FHIT: variants seen among roughly 807,000 people sequenced by gnomAD.
FHIT encodes bis(5'-adenosyl)-triphosphatase.
Under a neutral mutation model 17.9 loss-of-function variants are expected in FHIT, and 19 were observed. That is an observed-to-expected ratio of 1.06 (90% confidence interval 0.74 to 1.56). The LOEUF is 1.56. FHIT is among the 40% of genes most tolerant of loss of function. The pLI is 0.00. For synonymous variants in FHIT, 81 were observed against 69.7 expected, an observed-to-expected ratio of 1.16 and a Z score of -0.81; for missense variants, 248 against 189.2, an observed-to-expected ratio of 1.31 and a Z score of -1.82.
At chr3:59,904,873 T>C (rs1279693498) in intron 8 of FHIT, among the ~76,000 whole-genome samples, 1 of 152,214 alleles carries the variant, frequency 6.6e-6, no homozygotes, top group Non-Finnish European at 1.5e-5. Flanking sequence ...GCTGATTTGT[T>C]TGTGAGTCTG....
chr3:59,983,886 A>T (rs1465402542), intron 7 of FHIT, among the ~76,000 whole-genome samples: 10 of 152,122 alleles, frequency 6.6e-5, no homozygotes, highest in Admixed American at 6.6e-4. Context: ...ACTATAATTA[A>T]TCCAGTCATG....
intron 4 of FHIT, among the ~76,000 whole-genome samples, chr3:60,668,961 C>T (rs1273939558): frequency 6.6e-6 from 1 of 152,176 alleles, no homozygotes; most frequent in Non-Finnish European, 1.5e-5. Flanking sequence ...AATGGGTCTA[C>T]ATCATCTTTT....
At chr3:60,888,204 G>A (rs1022397368) in intron 3 of FHIT, among the ~76,000 whole-genome samples, 1 of 152,142 alleles carries the variant, frequency 6.6e-6, no homozygotes, top group Admixed American at 6.6e-5. Context: ...GGACATTTGG[G>A]TTGCACATTA....
chr3:60,564,564 A>G (rs769740228), intron 4 of FHIT, among the ~76,000 whole-genome samples: 3 of 152,196 alleles, frequency 2.0e-5, no homozygotes, highest in Non-Finnish European at 4.4e-5. Context: ...AATGCATGGG[A>G]GGTCAACATG....
chr3:60,971,115 C>A (rs1575775384), intron 3 of FHIT, among the ~76,000 whole-genome samples: 1 of 152,074 alleles, frequency 6.6e-6, no homozygotes, highest in Non-Finnish European at 1.5e-5. Context: ...CACCTGTAAT[C>A]CCAGCACTTT....
chr3:59,881,320 T>A (rs910300447), intron 8 of FHIT, among the ~76,000 whole-genome samples: 41 of 152,222 alleles, frequency 2.7e-4, no homozygotes, highest in Non-Finnish European at 2.2e-4. Flanking sequence ...GGATCTTTTT[T>A]AAACATATTT....
chr3:59,916,147 C>T (rs1265459923), intron 8 of FHIT, among the ~76,000 whole-genome samples: 2 of 152,042 alleles, frequency 1.3e-5, no homozygotes, highest in Admixed American at 6.5e-5. Flanking sequence ...TCTAATCAGC[C>T]GTCAGCATGG....
chr3:60,985,735 C>A (rs1481481593), intron 3 of FHIT, among the ~76,000 whole-genome samples: 1 of 152,210 alleles, frequency 6.6e-6, no homozygotes, highest in Non-Finnish European at 1.5e-5. Flanking sequence ...AATAAATTCC[C>A]AGGTGCGTTA....
chr3:60,813,057 C>G (rs1553736567), intron 4 of FHIT, among the ~76,000 whole-genome samples: 1 of 152,006 alleles, frequency 6.6e-6, no homozygotes, highest in East Asian at 1.9e-4. Context: ...GGTGGGACCA[C>G]TGAGAGATGA....
In FHIT at chr3:59,813,969, G is replaced by A. The variant is rs1366794574; in HGVS notation, c.349-61648C>T. 3.9e-5 allele frequency among the ~76,000 whole-genome samples: 6 copies of A among 151,936 alleles called. No homozygotes were observed. In the East Asian group the frequency reaches 9.7e-4, roughly 25 times the overall value. ...CTGGTGTGCTCACAAATGACCTGAT[G>A]TCATAGTTGTCTGTCACTGACAATT... On this transcript the variant is annotated intron_variant, in intron 8 of 9. Transcript: ENST00000492590.
At chr3:59,903,728 A>G (rs1488779795) in intron 8 of FHIT, among the ~76,000 whole-genome samples, 1 of 152,234 alleles carries the variant, frequency 6.6e-6, no homozygotes, top group Non-Finnish European at 1.5e-5. Context: ...CACCAAAGGC[A>G]GCAATCTGAA....
At chr3:59,883,808 A>C (rs1321013619) in intron 8 of FHIT, among the ~76,000 whole-genome samples, 2 of 152,240 alleles carry the variant, frequency 1.3e-5, no homozygotes, top group Non-Finnish European at 2.9e-5. Flanking sequence ...GATTTAAGAA[A>C]GTGATGGGGG....
intron 8 of FHIT, among the ~76,000 whole-genome samples, chr3:59,777,057 C>T (rs139685420): frequency 1.4e-4 from 22 of 152,294 alleles, no homozygotes; most frequent in Admixed American, 3.9e-4. Context: ...TCTTCAAGAA[C>T]TCCAAGCACG....
chr3:61,183,312 C>T (rs1243480190), intron 2 of FHIT, among the ~76,000 whole-genome samples: 3 of 107,944 alleles, frequency 2.8e-5, no homozygotes, highest in Non-Finnish European at 3.7e-5. Flanking sequence ...AATGAATCAA[C>T]CACAAGTGAA....
In FHIT at chr3:60,267,733, A is replaced by C. The variant is rs145172222; in HGVS notation, c.104-253581T>G. 8.7e-4 allele frequency among the ~76,000 whole-genome samples: 132 copies of C among 152,288 alleles called. 2 individuals are homozygous for C. The highest frequency in any genetic ancestry group is 3.0e-3 in the African/African-American group (123 of 41,578). ...TAATGATCAATTCAAGTAAAATAAA[A>C]ATATCTGATCTAGGACTGATCCTAA... is the stretch of plus-strand genomic sequence containing the variant. On this transcript the variant is annotated intron_variant, in intron 5 of 9. Transcript: ENST00000492590.
At chr3:60,348,927 C>T (rs766116093) in intron 5 of FHIT, among the ~76,000 whole-genome samples, 3 of 152,208 alleles carry the variant, frequency 2.0e-5, no homozygotes, top group Admixed American at 2.0e-4. Context: ...ATTGCCCAGC[C>T]AGCTAACCCT....
chr3:59,869,500 T>TTTTTTTTTTTTTC lies in FHIT; in HGVS notation c.348+52845_348+52846insGAAAAAAAAAAAA, dbSNP rs1553701528. Reference sequence around the variant, plus strand: ...AAGAACATCCTTTTTTTTTTTTTTTTAGACAGAGTCTCGCTCTGTCGCCCA... The same window carrying TTTTTTTTTTTTTC: ...AAGAACATCCTTTTTTTTTTTTTTTTTTTTTTTTTTTTCAGACAGAGTCTCGCTCTGTCGCCCA... On this transcript the variant is annotated intron_variant, in intron 8 of 9. Coordinates refer to ENST00000492590, the MANE Select transcript of FHIT (RefSeq NM_002012.4). Among the ~76,000 whole-genome samples, 17 of 145,810 alleles carry TTTTTTTTTTTTTC rather than the reference T, an allele frequency of 1.2e-4. 1 individual carries two copies. The highest frequency in any genetic ancestry group is 4.5e-4 in the African/African-American group (17 of 38,118).
intron 4 of FHIT, among the ~76,000 whole-genome samples, chr3:60,589,398 T>G (rs1218339950): frequency 6.6e-6 from 1 of 152,042 alleles, no homozygotes; most frequent in African/African-American, 2.4e-5. Context: ...TACACACAGT[T>G]CTCTCCTTCA....
At chr3:61,153,418 G>C in intron 2 of FHIT, among the ~76,000 whole-genome samples, 1 of 152,154 alleles carries the variant, frequency 6.6e-6, no homozygotes, top group East Asian at 1.9e-4. Flanking sequence ...GTAGAAAAGA[G>C]TGTGTAGACA....
Sources: allele counts gnomAD v4.1 joint callset (sites outside exome capture counted in the v4.1 genomes callset), GRCh38; gene constraint gnomAD v4.1.1; transcripts MANE v1.5; gene names NCBI Gene and HGNC (gene_info 2026-07-23, HGNC 2026-07-21).